The following PCSK6 variants were observed in gnomAD, a reference collection of about 807,000 sequenced individuals.
PCSK6 encodes the protein proprotein convertase subtilisin/kexin type 6.
Under a neutral mutation model 123.3 loss-of-function variants are expected in PCSK6, and 85 were observed. The observed-to-expected ratio is 0.69, with a 90% CI of 0.58 to 0.83. PCSK6 has a LOEUF of 0.83. Ranked by LOEUF, PCSK6 falls within the 40% of genes least tolerant of loss-of-function variation. The probability of loss-of-function intolerance (pLI) is 0.00; values close to 1 mark genes in which losing one functional copy is unlikely to be tolerated. For missense variants in PCSK6, 1,191 were observed against 1,282.3 expected (o/e 0.93, Z 1.09); for synonymous variants, 508 against 516.0 (o/e 0.98, Z 0.21).
In PCSK6 at chr15:101,351,751, T is replaced by C. The variant is rs7180651; in HGVS notation, c.1858+14445A>G. Among the ~76,000 whole-genome samples the C allele has an allele frequency of 9.6e-3, 1,458 of 152,280 alleles. 20 individuals carry two copies. Among genetic ancestry groups the C allele is most frequent in the African/African-American group, 0.034 (1,397 of 41,538 alleles). On this transcript the variant is annotated intron_variant, in intron 13 of 21. Coordinates refer to ENST00000611716, the MANE Select transcript of PCSK6 (RefSeq NM_002570.5). The stretch of plus-strand genomic sequence containing the variant: ...CAGCAAGCAGGACAATATAACTTCA[T>C]GGGTGGTGGGAAAATGGGGACAGGA...
intron 2 of PCSK6, among the ~76,000 whole-genome samples, chr15:101,436,466 C>T (rs376364406): frequency 4.1e-4 from 62 of 152,312 alleles, no homozygotes; most frequent in African/African-American, 1.3e-3. Context: ...TTCATCAAAG[C>T]GAAGGTTACT....
intron 1 of PCSK6, among the ~76,000 whole-genome samples, chr15:101,464,116 G>C (rs577642944): frequency 1.2e-4 from 19 of 152,280 alleles, no homozygotes; most frequent in Admixed American, 5.2e-4. Flanking sequence ...CAACACGTAG[G>C]AGGAAACAGG....
chr15:101,440,882 G>C (rs1008906458), intron 2 of PCSK6, among the ~76,000 whole-genome samples: 1 of 152,194 alleles, frequency 6.6e-6, no homozygotes, highest in Non-Finnish European at 1.5e-5. Flanking sequence ...AATTGATTTG[G>C]TTTGCATTAA....
intron 10 of PCSK6, 27 bp from the exon 11 acceptor site, chr15:101,382,236 G>C (rs1301114523): frequency 6.5e-7 from 1 of 1,529,498 alleles, no homozygotes; most frequent in Non-Finnish European, 8.9e-7. Context: ...TTCAGAGCCA[G>C]GCTCTCCTGC....
rs930443179 is a variant in PCSK6 at position 101,326,388 on chromosome 15, G to C, written c.2169C>G (p.Val723=). ...GGGACATGCATTACCTGCTGGTCTT[G>C]ACACTCCCCAGGCTGAAGTGGACGC... ...LNCVHFSLGS[V]KTSRKCVSVC... The change falls in exon 16 of 22, where the codon GTC becomes GTG. Residue 723 remains valine (V), a synonymous_variant. Transcript: ENST00000611716. The C allele has an allele frequency of 5.7e-6, 9 of 1,572,542 alleles. No homozygotes were observed. In the Admixed American group the frequency reaches 9.2e-5, roughly 16 times the overall value.
intron 13 of PCSK6, among the ~76,000 whole-genome samples, chr15:101,350,877 C>T (rs562667356): frequency 1.3e-5 from 2 of 152,316 alleles, no homozygotes; most frequent in South Asian, 2.1e-4. Context: ...ACTGGCTTAA[C>T]GGAACTGATT....
intron 12 of PCSK6, 96 bp from the exon 13 acceptor site, chr15:101,366,428 A>G: frequency 7.8e-7 from 1 of 1,285,920 alleles, no homozygotes; most frequent in Non-Finnish European, 1.1e-6. Context: ...GGACTGTATG[A>G]CCTGGCTGGA....
At chr15:101,385,981 G>C (rs192140004) in intron 9 of PCSK6, among the ~76,000 whole-genome samples, 1 of 151,850 alleles carries the variant, frequency 6.6e-6, no homozygotes, top group African/African-American at 2.4e-5. Context: ...AACATCTCTC[G>C]AGTCCAAGAC....
intron 6 of PCSK6, among the ~76,000 whole-genome samples, chr15:101,411,236 T>C (rs1361461379): frequency 6.6e-6 from 1 of 151,950 alleles, no homozygotes; most frequent in Non-Finnish European, 1.5e-5. Context: ...AGGCTGGGCG[T>C]GCAAGGACAG....
At chr15:101,317,069 AC>A (rs2040009441) in intron 19 of PCSK6, among the ~76,000 whole-genome samples, 2 of 151,790 alleles carry the variant, frequency 1.3e-5, no homozygotes, top group South Asian at 4.2e-4. Context: ...CTGCCACCAA[AC>A]CTGGCTAATT....
At chr15:101,465,537 G>A (rs1398515842) in intron 1 of PCSK6, among the ~76,000 whole-genome samples, 1 of 152,158 alleles carries the variant, frequency 6.6e-6, no homozygotes, top group Non-Finnish European at 1.5e-5. Flanking sequence ...AGGGCTATTA[G>A]AAGAGGACAG....
At chr15:101,327,597 T>A (rs148508651) in intron 15 of PCSK6, among the ~76,000 whole-genome samples, 2 of 151,882 alleles carry the variant, frequency 1.3e-5, no homozygotes, top group African/African-American at 4.8e-5. Flanking sequence ...GGATGGGGAG[T>A]GAGCTCAAGA....
intron 13 of PCSK6, chr15:101,334,458 T>A (rs2040433125): frequency 6.6e-6 from 1 of 151,374 alleles, no homozygotes; most frequent in Non-Finnish European, 1.5e-5. Context: ...TTCTCACCGC[T>A]GCAGCAGTGA....
intron 20 of PCSK6, 119 bp from the exon 21 acceptor site, chr15:101,307,444 G>T: frequency 2.9e-6 from 2 of 683,782 alleles, no homozygotes; most frequent in East Asian, 2.7e-5. Context: ...TCGGTCCTCT[G>T]TGGAGAGGCT....
chr15:101,309,518 G>A (rs527848031), intron 20 of PCSK6, among the ~76,000 whole-genome samples: 16 of 152,370 alleles, frequency 1.1e-4, no homozygotes, highest in South Asian at 6.2e-4. Context: ...CAGGGATGCC[G>A]GATGCAGCCC....
At chr15:101,313,190 C>G (rs1456335533) in intron 20 of PCSK6, 186 bp downstream of exon 20, 3 of 1,521,126 alleles carry the variant, frequency 2.0e-6, no homozygotes, top group Non-Finnish European at 2.7e-6. Context: ...AGGGACCCAA[C>G]AAATATGCAT....
At chr15:101,455,628 C>T (rs1434258981) in intron 1 of PCSK6, among the ~76,000 whole-genome samples, 1 of 152,352 alleles carries the variant, frequency 6.6e-6, no homozygotes, top group East Asian at 1.9e-4. Flanking sequence ...ACAGCTTGCC[C>T]TGCTGAGGTC....
chr15:101,336,677 A>G (rs1218659775), intron 13 of PCSK6: 1 of 152,280 alleles, frequency 6.6e-6, no homozygotes, highest in African/African-American at 2.4e-5. Context: ...TAAGATGCAT[A>G]GAAGCAGATC....
chr15:101,443,617 G>C lies in PCSK6; in HGVS notation c.341C>G (p.Thr114Ser). The change falls in exon 2 of 22, where the codon ACC becomes AGC. Residue 114 changes from threonine (T) to serine (S), a missense_variant. Transcript: ENST00000611716. ...EDYYHFYHSK[T>S]FKRSTLSSRG... ...GCTACTCAAGGTTGATCTTTTAAAG[G>C]TTTTGCTGTGATAAAAATGGTAGTA... 5.0e-6 allele frequency: 8 copies of C among 1,613,910 alleles called. No individual in the cohort carries two copies. Among genetic ancestry groups the C allele is most frequent in the Non-Finnish European group, 6.8e-6 (8 of 1,179,838 alleles).
Sources: gnomAD v4.1 joint callset for allele counts (sites outside exome capture counted in the v4.1 genomes callset) on GRCh38, gnomAD v4.1.1 for gene constraint, MANE v1.5 for transcripts, NCBI Gene and HGNC (gene_info 2026-07-23, HGNC 2026-07-21) for gene names.